The following SH3RF3 variants were observed in gnomAD, a reference collection of about 807,000 sequenced individuals.
The protein encoded by SH3RF3 is SH3 domain containing ring finger 3.
Under a neutral mutation model 66.3 loss-of-function variants are expected in SH3RF3, and 29 were observed. That is an observed-to-expected ratio of 0.44 (90% confidence interval 0.33 to 0.60). The LOEUF (loss-of-function observed/expected upper bound fraction) is 0.60. Among genes scored for constraint, SH3RF3 ranks in the 20% least tolerant of loss-of-function variants. The pLI is 0.04. For synonymous variants in SH3RF3, 583 were observed against 532.0 expected (o/e 1.10, Z -1.32); for missense variants, 1,194 against 1,190.9 (o/e 1.00, Z -0.04).
chr2:109,166,198 G>A (rs1677617006), intron 1 of SH3RF3, among the ~76,000 whole-genome samples: 1 of 152,172 alleles, frequency 6.6e-6, no homozygotes, highest in Non-Finnish European at 1.5e-5. Context: ...AAAGATGCAG[G>A]CCAGGCACGG....
chr2:109,292,881 C>T (rs1681220915), intron 1 of SH3RF3, among the ~76,000 whole-genome samples: 1 of 152,156 alleles, frequency 6.6e-6, no homozygotes, highest in East Asian at 1.9e-4. Context: ...TACAGGTGTG[C>T]ACCAGCATGC....
chr2:109,202,760 A>G (rs1001014708), intron 1 of SH3RF3, among the ~76,000 whole-genome samples: 2 of 152,108 alleles, frequency 1.3e-5, no homozygotes, highest in Non-Finnish European at 1.5e-5. Context: ...AGCCCTTCCC[A>G]TACTATGGAG....
rs1043054566 is a variant in SH3RF3 at position 109,403,114 on chromosome 2, G to A, written c.1299+4171G>A. 2.6e-5 allele frequency among the ~76,000 whole-genome samples: 4 copies of A among 152,214 alleles called. No homozygotes were observed. The East Asian group carries it at 7.7e-4, about 29-fold the overall frequency. ...TGTTGTCTTAAAATAGAAAGGAAGC[G>A]TGCGTCTGTGGTTTCTATAGAAATG... On this transcript the variant is annotated intron_variant, in intron 4 of 9. Transcript: ENST00000309415.
intron 7 of SH3RF3, among the ~76,000 whole-genome samples, chr2:109,438,603 G>A (rs1036895889): frequency 3.3e-5 from 5 of 152,132 alleles, no homozygotes; most frequent in Non-Finnish European, 5.9e-5. Flanking sequence ...CACACCCCTG[G>A]CTCCAGGGCC....
chr2:109,145,189 C>T (rs893019658), intron 1 of SH3RF3, among the ~76,000 whole-genome samples: 1 of 152,206 alleles, frequency 6.6e-6, no homozygotes, highest in Non-Finnish European at 1.5e-5. Context: ...CTTTCTGCTG[C>T]TTCTGAGACA....
At chr2:109,185,342 G>T (rs1000011024) in intron 1 of SH3RF3, among the ~76,000 whole-genome samples, 1 of 152,202 alleles carries the variant, frequency 6.6e-6, no homozygotes, top group Non-Finnish European at 1.5e-5. Context: ...AACAATAAAA[G>T]ATTGGATTGT....
At chr2:109,240,229 G>A (rs1327555740) in intron 1 of SH3RF3, among the ~76,000 whole-genome samples, 1 of 152,216 alleles carries the variant, frequency 6.6e-6, no homozygotes, top group African/African-American at 2.4e-5. Flanking sequence ...GCCAGGCATG[G>A]TGGCTCACGC....
Position 109,444,958 on chromosome 2 carries a change from G to A in SH3RF3, c.1829-4212G>A, listed in dbSNP as rs540701607. On this transcript the variant is annotated intron_variant, in intron 7 of 9. Transcript: ENST00000309415. The stretch of plus-strand genomic sequence containing the variant: ...ACAAAAAAGAAAAACAGGAAGCTAT[G>A]AAAAAATAGGTGGATGGCTATGAAT... 8.5e-5 allele frequency among the ~76,000 whole-genome samples: 13 copies of A among 152,232 alleles called. No homozygotes were observed. The South Asian group carries it at 2.7e-3, about 32-fold the overall frequency.
intron 2 of SH3RF3, among the ~76,000 whole-genome samples, chr2:109,357,171 CTTGTTTT>C (rs1303175124): frequency 6.6e-6 from 1 of 150,494 alleles, no homozygotes; most frequent in Non-Finnish European, 1.5e-5. Flanking sequence ...ACAATATATT[CTTGTTTT>C]TTGTTTTTTG....
Position 109,398,780 on chromosome 2 carries a change from G to A in SH3RF3, c.1136G>A (p.Arg379His), listed in dbSNP as rs1047066921. 4 of 1,613,606 alleles carry A rather than the reference G, an allele frequency of 2.5e-6. No individual in the cohort carries two copies. Among genetic ancestry groups the A allele is most frequent in the African/African-American group, 1.3e-5 (1 of 74,910 alleles). Reference protein sequence around the residue: ...RVDGKKNTKKRHSFTALSVTH... With the variant: ...RVDGKKNTKKHHSFTALSVTH... ...GATGGCAAGAAGAACACCAAGAAACGCCACTCCTTCACCGCGCTCAGTGTG... is the reference window on the plus strand; with the variant it reads ...GATGGCAAGAAGAACACCAAGAAACACCACTCCTTCACCGCGCTCAGTGTG... Residue 379 changes from arginine to histidine, a missense_variant, in exon 4 of 10, where the codon CGC becomes CAC. Transcript: ENST00000309415.
In SH3RF3 at chr2:109,403,240, T is replaced by G. The variant is rs1443345407; in HGVS notation, c.1299+4297T>G. On this transcript the variant is annotated intron_variant, in intron 4 of 9. Coordinates refer to ENST00000309415, the MANE Select transcript of SH3RF3 (RefSeq NM_001099289.3). Reference sequence around the variant, plus strand: ...AGCCGCGCACTGTCCGAGGCTGGCCTCCTCCCCGCAGCTGTTAGGGGTGCG... The same window carrying G: ...AGCCGCGCACTGTCCGAGGCTGGCCGCCTCCCCGCAGCTGTTAGGGGTGCG... Among the ~76,000 whole-genome samples, 3 of 152,194 alleles carry G rather than the reference T, an allele frequency of 2.0e-5. 1 individual carries two copies. The highest frequency in any genetic ancestry group is 6.3e-3 in the Middle Eastern group (2 of 316).
At chr2:109,408,153 T>A (rs1247211821) in intron 4 of SH3RF3, among the ~76,000 whole-genome samples, 2 of 152,090 alleles carry the variant, frequency 1.3e-5, no homozygotes, top group Non-Finnish European at 2.9e-5. Flanking sequence ...CCTGCAGGGA[T>A]CCACAGAGGG....
At chr2:109,359,581 C>T (rs1430324252) in intron 2 of SH3RF3, among the ~76,000 whole-genome samples, 1 of 152,104 alleles carries the variant, frequency 6.6e-6, no homozygotes, top group Non-Finnish European at 1.5e-5. Flanking sequence ...CATGTTTTAA[C>T]TTAAATTTCA....
chr2:109,424,894 G>A (rs1016146061), intron 5 of SH3RF3, among the ~76,000 whole-genome samples: 3 of 152,188 alleles, frequency 2.0e-5, no homozygotes, highest in Non-Finnish European at 4.4e-5. Context: ...CTCACTTTAA[G>A]TCAAAAGTTA....
chr2:109,354,425 G>A (rs1397649658), intron 2 of SH3RF3, among the ~76,000 whole-genome samples: 1 of 152,264 alleles, frequency 6.6e-6, no homozygotes, highest in South Asian at 2.1e-4. Context: ...GCCTCCAGGA[G>A]AGCAGGGCTG....
intron 1 of SH3RF3, among the ~76,000 whole-genome samples, chr2:109,277,471 T>C (rs1161020282): frequency 6.6e-6 from 1 of 152,250 alleles, no homozygotes; most frequent in Non-Finnish European, 1.5e-5. Context: ...AGAGTCCTAC[T>C]TCTGCTAGGA....
At chr2:109,232,144 G>A (rs11894964) in intron 1 of SH3RF3, among the ~76,000 whole-genome samples, 13,459 of 152,196 alleles carry the variant, frequency 0.088, 1,076 homozygotes, top group East Asian at 0.31. Context: ...CTCTTGTAGT[G>A]GAATGACCAG....
At chr2:109,422,167 G>T (rs566333718) in intron 5 of SH3RF3, among the ~76,000 whole-genome samples, 76 of 152,296 alleles carry the variant, frequency 5.0e-4, no homozygotes, top group African/African-American at 1.7e-3. Context: ...TTGAACATGA[G>T]ATGTGCTGTC....
intron 1 of SH3RF3, among the ~76,000 whole-genome samples, chr2:109,140,321 A>G (rs1224772421): frequency 2.6e-5 from 4 of 151,362 alleles, no homozygotes. Flanking sequence ...TCATAAATCT[A>G]CTTATAATGC....
Sources: allele counts gnomAD v4.1 joint callset (sites outside exome capture counted in the v4.1 genomes callset), GRCh38; gene constraint gnomAD v4.1.1; transcripts MANE v1.5; gene names NCBI Gene and HGNC (gene_info 2026-07-23, HGNC 2026-07-21).